NRG2: variants seen among roughly 807,000 people sequenced by gnomAD.
NRG2 encodes the protein pro-neuregulin-2, membrane-bound isoform.
NRG2 carries 27 observed loss-of-function variants against 73.9 expected under a neutral mutation model. The observed-to-expected ratio is 0.37, with a 90% CI of 0.27 to 0.50. NRG2 has a LOEUF of 0.50. Ranked by LOEUF, NRG2 falls within the 20% of genes least tolerant of loss-of-function variation. NRG2 has a pLI of 0.96. For missense variants in NRG2, 1,126 were observed against 1,210.1 expected, an observed-to-expected ratio of 0.93 and a Z score of 1.03; for synonymous variants, 532 against 541.0, an observed-to-expected ratio of 0.98 and a Z score of 0.23.
chr5:140,029,687 C>CAAAAAAAAAAAAAAAAAAAAAAAAAAT (rs34122778), intron 1 of NRG2, among the ~76,000 whole-genome samples: 1 of 61,290 alleles, frequency 1.6e-5, no homozygotes, highest in Non-Finnish European at 3.6e-5. Context: ...GACTCTGTCT[C>CAAAAAAAAAAAAAAAAAAAAAAAAAAT]AAAAAAAAAA....
At chr5:139,989,908 C>T (rs1490331861) in intron 1 of NRG2, among the ~76,000 whole-genome samples, 1 of 151,424 alleles carries the variant, frequency 6.6e-6, no homozygotes, top group Non-Finnish European at 1.5e-5. Flanking sequence ...CCTGCCTCAG[C>T]CTCCCGAGTA....
At chr5:140,032,000 C>T (rs1001702177) in intron 1 of NRG2, among the ~76,000 whole-genome samples, 9 of 152,122 alleles carry the variant, frequency 5.9e-5, no homozygotes, top group African/African-American at 2.2e-4. Context: ...GAGCTCCCAC[C>T]ACCCCCTTTC....
chr5:139,971,943 A>G (rs1415943412), intron 1 of NRG2, among the ~76,000 whole-genome samples: 1 of 152,192 alleles, frequency 6.6e-6, no homozygotes, highest in East Asian at 1.9e-4. Context: ...CTGATAAAGA[A>G]GAACAAAAAA....
intron 1 of NRG2, among the ~76,000 whole-genome samples, chr5:139,965,099 A>T (rs1010307770): frequency 7.2e-5 from 11 of 152,052 alleles, no homozygotes; most frequent in Admixed American, 2.0e-4. Context: ...CACCTTGTTA[A>T]CCCCTCATGG....
At chr5:139,900,080 T>C (rs1243304359) in intron 1 of NRG2, among the ~76,000 whole-genome samples, 1 of 152,158 alleles carries the variant, frequency 6.6e-6, no homozygotes, top group Non-Finnish European at 1.5e-5. Flanking sequence ...TTCTAAGAAG[T>C]CCCTTTTCTT....
intron 1 of NRG2, among the ~76,000 whole-genome samples, chr5:139,907,868 T>C (rs1180677042): frequency 1.3e-5 from 2 of 152,246 alleles, no homozygotes; most frequent in Non-Finnish European, 2.9e-5. Flanking sequence ...ACCAGGTTTA[T>C]GTTAGGAAAC....
intron 1 of NRG2, among the ~76,000 whole-genome samples, chr5:139,947,458 C>T (rs937016518): frequency 1.3e-5 from 2 of 152,188 alleles, no homozygotes; most frequent in Admixed American, 6.5e-5. Flanking sequence ...GGATATACCA[C>T]ATTTTATTAA....
intron 1 of NRG2, among the ~76,000 whole-genome samples, chr5:139,944,620 T>C (rs149092114): frequency 6.6e-6 from 1 of 152,316 alleles, no homozygotes; most frequent in African/African-American, 2.4e-5. Context: ...TAGTATTCCA[T>C]TGTGTGTATG....
chr5:139,899,788 C>T (rs966043005), intron 1 of NRG2, among the ~76,000 whole-genome samples: 6 of 152,190 alleles, frequency 3.9e-5, no homozygotes, highest in Non-Finnish European at 8.8e-5. Context: ...GATCCTCTGC[C>T]TCTCCCTGGT....
Position 139,904,330 on chromosome 5 carries a change from C to T in NRG2, c.701-16819G>A. On this transcript the variant is annotated intron_variant, in intron 1 of 9. Coordinates refer to ENST00000361474, the MANE Select transcript of NRG2 (RefSeq NM_004883.3). This position sits in a 1 kb window ranked among gnomAD's most constrained non-coding sequence, Gnocchi z 6.0. ...ACCTTTCTCCCCGGGATCGGGCTCC[C>T]TCTCCCGCTTCCTCCCCTCTGGGTG... 6.3e-7 allele frequency: 1 copy of T among 1,592,442 alleles called. No individual in the cohort carries two copies.
rs1762759983 is a variant in NRG2 at position 139,870,347 on chromosome 5, G to A, written c.1112+1374C>T. ...GTTCAGGGAGGGGGAGAAGGAGGTG[G>A]CAGCAGGGGCAGGGTGGGGCCAGGG... On this transcript the variant is annotated intron_variant, in intron 4 of 9. Coordinates refer to ENST00000361474, the MANE Select transcript of NRG2 (RefSeq NM_004883.3). This position sits in a 1 kb window ranked among gnomAD's most constrained non-coding sequence, Gnocchi z 4.4. Among the ~76,000 whole-genome samples, 1 of 152,158 alleles carries A rather than the reference G, an allele frequency of 6.6e-6. No homozygotes were observed. Among genetic ancestry groups the A allele is most frequent in the South Asian group, 2.1e-4 (1 of 4,838 alleles).
rs1038498993 is a variant in NRG2 at position 139,894,119 on chromosome 5, C to T, written c.701-6608G>A. The stretch of plus-strand genomic sequence containing the variant: ...TCCTCTCGGCAGTGGGCGGTGGGTG[C>T]GGAGCCTACTCAGATCTGAGAGCAA... On this transcript the variant is annotated intron_variant, in intron 1 of 9. Coordinates refer to ENST00000361474, the MANE Select transcript of NRG2 (RefSeq NM_004883.3). The surrounding 1 kb of genome is among the most constrained non-coding windows in gnomAD (Gnocchi z 5.0). Among the ~76,000 whole-genome samples, 4 of 152,190 alleles carry T rather than the reference C, an allele frequency of 2.6e-5. No homozygotes were observed. Among genetic ancestry groups the T allele is most frequent in the Non-Finnish European group, 4.4e-5 (3 of 68,022 alleles).
chr5:139,906,451 CACTTT>C (rs138886004), intron 1 of NRG2, among the ~76,000 whole-genome samples: 1,530 of 152,302 alleles, frequency 0.01, 21 homozygotes, highest in African/African-American at 0.035. Flanking sequence ...ATACCTCAGC[CACTTT>C]ACTTACAAGT....
chr5:140,000,877 C>T (rs1758415928), intron 1 of NRG2, among the ~76,000 whole-genome samples: 1 of 152,184 alleles, frequency 6.6e-6, no homozygotes, highest in Non-Finnish European at 1.5e-5. Context: ...TGGTTTCAAT[C>T]CCCTCTTCAA....
intron 1 of NRG2, among the ~76,000 whole-genome samples, chr5:139,995,470 C>T (rs997229493): frequency 3.9e-5 from 6 of 152,192 alleles, no homozygotes; most frequent in African/African-American, 9.7e-5. Flanking sequence ...CCAGATGCTG[C>T]ATGCCTGAGA....
chr5:139,992,370 TA>T (rs1476356367), intron 1 of NRG2, among the ~76,000 whole-genome samples: 1 of 152,244 alleles, frequency 6.6e-6, no homozygotes, highest in African/African-American at 2.4e-5. Flanking sequence ...TTACTGCTAA[TA>T]GTTTATCTAT....
In NRG2 at chr5:139,847,807, GAA is replaced by G; in HGVS notation, c.*108_*109del. ...TTTGTTATACTTTTTTCCTTTTATA[GAA>G]AATAAAAATATTTTTATTTCTTTTT... On this transcript the variant is annotated 3_prime_UTR_variant, in exon 10 of 10. Coordinates refer to ENST00000361474, the MANE Select transcript of NRG2 (RefSeq NM_004883.3). The G allele has an allele frequency of 2.7e-6, 2 of 742,616 alleles. No individual in the cohort carries two copies. Among genetic ancestry groups the G allele is most frequent in the Non-Finnish European group, 3.8e-6 (2 of 532,976 alleles). The allele number at this position is 742,616 out of a possible 1,614,324, so 46.0% of individuals were successfully genotyped here.
At chr5:139,989,858 G>A (rs1757449866) in intron 1 of NRG2, among the ~76,000 whole-genome samples, 1 of 150,784 alleles carries the variant, frequency 6.6e-6, no homozygotes, top group East Asian at 1.9e-4. Context: ...GCGTGATCTC[G>A]GCTCACTGCA....
At chr5:140,018,025 T>C (rs1248669706) in intron 1 of NRG2, among the ~76,000 whole-genome samples, 1 of 151,660 alleles carries the variant, frequency 6.6e-6, no homozygotes, top group East Asian at 1.9e-4. Flanking sequence ...CATTCATCCC[T>C]CCAAACATGC....
Sources: gnomAD v4.1 joint callset for allele counts (sites outside exome capture counted in the v4.1 genomes callset) on GRCh38, gnomAD v4.1.1 for gene constraint, Gnocchi (gnomAD v3.1) non-coding constraint, MANE v1.5 for transcripts, NCBI Gene and HGNC (gene_info 2026-07-23, HGNC 2026-07-21) for gene names.